BEND2: variants seen among roughly 807,000 people sequenced by gnomAD.
BEND2 encodes the protein BEN domain containing 2, also known as BEN domain-containing protein 2.
In BEND2, 19 loss-of-function variants were observed where a neutral mutation model predicts 43.8. That is an observed-to-expected ratio of 0.43 (90% CI 0.30 to 0.64). The LOEUF is 0.64. BEND2 is among the 30% of genes least tolerant of loss of function. The pLI is 0.11. For missense variants in BEND2, 544 were observed against 574.0 expected, an observed-to-expected ratio of 0.95 and a Z score of 0.53; for synonymous variants, 226 against 210.1, an observed-to-expected ratio of 1.08 and a Z score of -0.66.
At chrX:18,170,968 T>C in intron 13 of BEND2, 33 bp downstream of exon 13, 2 of 1,209,141 alleles carry the variant, frequency 1.7e-6, no homozygotes, top group Non-Finnish European at 2.2e-6. Flanking sequence ...AATTGGCTTT[T>C]ATTTATTCAG....
chrX:18,203,916 C>A lies in BEND2; in HGVS notation c.493-1G>T. On this transcript the variant is annotated splice_acceptor_variant, in intron 4 of 13. Coordinates refer to ENST00000380033, the MANE Select transcript of BEND2 (RefSeq NM_153346.5). LOFTEE classifies it high-confidence loss of function. The stretch of plus-strand genomic sequence containing the variant: ...CTGGTGGTGATATGCTAGACTGTAC[C>A]TATCCAGGGTAAGAGAACAGAATGA... 8.5e-7 allele frequency: 1 copy of A among 1,181,539 alleles called. No homozygotes were observed. The highest frequency in any genetic ancestry group is 1.1e-6 in the Non-Finnish European group (1 of 875,227).
intron 11 of BEND2, among the ~76,000 whole-genome samples, chrX:18,174,633 CAA>C (rs1359758026): frequency 8.9e-6 from 1 of 111,916 alleles, no homozygotes; most frequent in East Asian, 2.8e-4. Context: ...TAGTGGAGCT[CAA>C]GTCTGGCTGC....
intron 9 of BEND2, among the ~76,000 whole-genome samples, chrX:18,179,177 C>CTTT (rs1924285775): frequency 1.3e-5 from 1 of 74,586 alleles, no homozygotes; most frequent in Admixed American, 1.5e-4. Context: ...ACTTTTGTTT[C>CTTT]TGTTTTTTTT....
intron 6 of BEND2, among the ~76,000 whole-genome samples, chrX:18,196,775 G>A (rs979095625): frequency 3.6e-5 from 4 of 109,840 alleles, no homozygotes; most frequent in Admixed American, 9.8e-5. Flanking sequence ...AGAGGCCAGC[G>A]TTTGTCAGAG....
intron 7 of BEND2, among the ~76,000 whole-genome samples, chrX:18,193,524 T>C (rs1328989143): frequency 1.8e-5 from 2 of 111,334 alleles, no homozygotes; most frequent in Non-Finnish European, 3.8e-5. Flanking sequence ...ATAATATCGA[T>C]GTCAATATTC....
intron 9 of BEND2, among the ~76,000 whole-genome samples, chrX:18,179,179 G>GTTTTTTT (rs1164362773): frequency 9.4e-4 from 55 of 58,362 alleles, no homozygotes; most frequent in African/African-American, 1.1e-3. Flanking sequence ...TTTTGTTTCT[G>GTTTTTTT]TTTTTTTTTT....
Position 18,201,925 on chromosome X carries a change from G to T in BEND2, c.923C>A (p.Pro308Gln). 1 of 1,206,990 alleles carries T rather than the reference G, an allele frequency of 8.3e-7. No individual in the cohort carries two copies. The highest frequency in any genetic ancestry group is 1.1e-6 in the Non-Finnish European group (1 of 893,893). Residue 308 changes from proline to glutamine, a missense_variant, in exon 6 of 14, where the codon CCA becomes CAA. By Grantham distance (76) the Pro-to-Gln change is moderately conservative (BLOSUM62 -1). Coordinates refer to ENST00000380033, the MANE Select transcript of BEND2 (RefSeq NM_153346.5). ...FHPNLEMPER[P>Q]ANSSKNSTET... ...AGTGCTGTTTTTACTGCTGTTTGCT[G>T]GTCTTTCTGGCATTTCTGTAAATAA...
At chrX:18,182,580 T>C (rs2147400656) in intron 8 of BEND2, among the ~76,000 whole-genome samples, 1 of 111,017 alleles carries the variant, frequency 9.0e-6, no homozygotes, top group Admixed American at 9.6e-5. Context: ...TACATAACAA[T>C]AAAAGGGTTA....
At chrX:18,216,803 C>A in intron 1 of BEND2, 70 bp from the exon 2 acceptor site, 1 of 827,284 alleles carries the variant, frequency 1.2e-6, no homozygotes, top group South Asian at 2.4e-5. Flanking sequence ...AGGAAGCTAC[C>A]TTATAAAGTT....
At chrX:18,197,667 C>T (rs1383087567) in intron 6 of BEND2, among the ~76,000 whole-genome samples, 1 of 111,028 alleles carries the variant, frequency 9.0e-6, no homozygotes, top group African/African-American at 3.3e-5. Context: ...CTGCAATTCT[C>T]GGCATACGTA....
intron 8 of BEND2, 64 bp from the exon 9 acceptor site, chrX:18,180,714 G>A (rs1468184512): frequency 2.4e-6 from 2 of 844,501 alleles, no homozygotes; most frequent in Non-Finnish European, 3.5e-6. Context: ...CAGGTACAGA[G>A]GGGAAATACA....
At chrX:18,191,974 G>A (rs1053931588) in intron 7 of BEND2, among the ~76,000 whole-genome samples, 1 of 111,944 alleles carries the variant, frequency 8.9e-6, no homozygotes, top group Non-Finnish European at 1.9e-5. Flanking sequence ...AAATTTTTCT[G>A]AAAATAAAAA....
intron 12 of BEND2, among the ~76,000 whole-genome samples, chrX:18,171,738 T>G (rs1203867669): frequency 8.9e-6 from 1 of 112,149 alleles, no homozygotes; most frequent in African/African-American, 3.2e-5. Context: ...AACAGGAAGA[T>G]TTAATATACT....
intron 8 of BEND2, among the ~76,000 whole-genome samples, chrX:18,181,747 G>C (rs1924393180): frequency 9.0e-6 from 1 of 111,351 alleles, no homozygotes. Context: ...TAGGAAAACT[G>C]CACAAATCAA....
rs1286532476 is a variant in BEND2 at position 18,190,482 on chromosome X, ATATCAGTCCATT to A, written c.1288+507_1288+518del. ...AAGCAATCTCAAAAGGTTAAATGGT[ATATCAGTCCATT>A]TATCAGTCCAATGGTATATCAGTCC... On this transcript the variant is annotated intron_variant, in intron 8 of 13. Coordinates refer to ENST00000380033, the MANE Select transcript of BEND2 (RefSeq NM_153346.5). 2.7e-5 allele frequency among the ~76,000 whole-genome samples: 3 copies of A among 111,848 alleles called. No individual in the cohort carries two copies. In the East Asian group the frequency reaches 8.4e-4, roughly 31 times the overall value.
chrX:18,194,422 A>G (rs1451527764), intron 7 of BEND2, among the ~76,000 whole-genome samples: 1 of 110,995 alleles, frequency 9.0e-6, no homozygotes, highest in Non-Finnish European at 1.9e-5. Context: ...AAAAAAAAAA[A>G]CTGTTCCTAT....
Position 18,195,391 on chromosome X carries a change from T to C in BEND2, c.1085A>G (p.Glu362Gly). 8.3e-7 allele frequency: 1 copy of C among 1,210,244 alleles called. No individual in the cohort carries two copies. The highest frequency in any genetic ancestry group is 1.1e-6 in the Non-Finnish European group (1 of 894,508). The change falls in exon 7 of 14, where the codon GAA becomes GGA. Residue 362 changes from glutamate (E) to glycine (G), a missense_variant. This residue lies in a region of BEND2 where 501 missense variants were observed against 501.6 expected (regional missense o/e 1.00). Coordinates refer to ENST00000380033, the MANE Select transcript of BEND2 (RefSeq NM_153346.5). ...GTAATACACTGTCTGAGAGTTATTTTCCACGTTGGTTTCTGTTGTTCCTGG... is the reference window on the plus strand; with the variant it reads ...GTAATACACTGTCTGAGAGTTATTTCCCACGTTGGTTTCTGTTGTTCCTGG... ...EMPGTTETNV[E>G]NNSQTVYYPA...
At chrX:18,177,889 A>G (rs1924233911) in intron 9 of BEND2, 120 bp from the exon 10 acceptor site, 15 of 658,708 alleles carry the variant, frequency 2.3e-5, no homozygotes, top group Non-Finnish European at 3.4e-5. Flanking sequence ...GCAAATGCAG[A>G]TAAATGATTT....
Position 18,164,316 on chromosome X carries a change from C to A in BEND2, c.*693G>T, listed in dbSNP as rs1923766772. 9.0e-6 allele frequency: 1 copy of A among 111,522 alleles called. No individual in the cohort carries two copies. Among genetic ancestry groups the A allele is most frequent in the Non-Finnish European group, 1.9e-5 (1 of 53,131 alleles). The allele number at this position is 111,522 out of a possible 1,213,427, so 9.2% of individuals were successfully genotyped here. A position where few individuals can be genotyped will look rare whatever the true frequency, so the allele number is the denominator to read the frequency against. The stretch of plus-strand genomic sequence containing the variant: ...CTGGGATTACAGGTGTGAGCCACTA[C>A]ACCCGGTAAATTATCTACTTTTTAA... On this transcript the variant is annotated 3_prime_UTR_variant, in exon 14 of 14. Coordinates refer to ENST00000380033, the MANE Select transcript of BEND2 (RefSeq NM_153346.5).
Sources: allele counts gnomAD v4.1 joint callset (sites outside exome capture counted in the v4.1 genomes callset), GRCh38; gene constraint gnomAD v4.1.1; regional missense constraint gnomAD v4.1.1; transcripts MANE v1.5; gene names NCBI Gene and HGNC (gene_info 2026-07-23, HGNC 2026-07-21).